The following ASAP1 variants were observed in gnomAD, a reference collection of about 807,000 sequenced individuals.
The protein encoded by ASAP1 is ArfGAP with SH3 domain, ankyrin repeat and PH domain 1, also known as arf-GAP with SH3 domain, ANK repeat and PH domain-containing protein 1.
A neutral mutation model predicts 145.2 loss-of-function variants in ASAP1; 43 were observed. That is an observed-to-expected ratio of 0.30 (90% confidence interval 0.23 to 0.38). The LOEUF is 0.38. ASAP1 is among the 10% of genes least tolerant of loss of function. ASAP1 has a pLI of 1.00. For missense variants in ASAP1, 1,018 were observed against 1,355.3 expected, an observed-to-expected ratio of 0.75 and a Z score of 3.91; for synonymous variants, 546 against 515.5, an observed-to-expected ratio of 1.06 and a Z score of -0.80.
At chr8:130,246,102 A>G (rs1380702323) in intron 3 of ASAP1, among the ~76,000 whole-genome samples, 2 of 152,118 alleles carry the variant, frequency 1.3e-5, no homozygotes, top group African/African-American at 4.8e-5. Flanking sequence ...TTGTAAAGGA[A>G]GTCTTACAAA....
intron 1 of ASAP1, among the ~76,000 whole-genome samples, chr8:130,420,669 G>A (rs867398593): frequency 2.0e-5 from 3 of 151,958 alleles, no homozygotes; most frequent in Admixed American, 6.6e-5. Flanking sequence ...CGAGGCAGAC[G>A]GATCACCTGA....
intron 1 of ASAP1, among the ~76,000 whole-genome samples, chr8:130,417,127 A>G (rs1565298587): frequency 6.6e-6 from 1 of 152,198 alleles, no homozygotes; most frequent in African/African-American, 2.4e-5. Flanking sequence ...AAACCCATGT[A>G]CAACTGCACA....
At chr8:130,198,218 G>A (rs1815636511) in intron 5 of ASAP1, among the ~76,000 whole-genome samples, 2 of 150,628 alleles carry the variant, frequency 1.3e-5, no homozygotes, top group Admixed American at 1.3e-4. Context: ...TCTGCCTCCT[G>A]GGTTCAAGCG....
intron 3 of ASAP1, among the ~76,000 whole-genome samples, chr8:130,343,661 T>C (rs1052343531): frequency 6.6e-6 from 1 of 152,144 alleles, no homozygotes; most frequent in African/African-American, 2.4e-5. Context: ...TAGGAATCTA[T>C]CAACACTAGA....
intron 3 of ASAP1, among the ~76,000 whole-genome samples, chr8:130,346,808 A>G (rs940733833): frequency 4.8e-5 from 7 of 145,280 alleles, no homozygotes; most frequent in Non-Finnish European, 1.1e-4. Flanking sequence ...CTGGGCCAGC[A>G]GTGAGTGCTT....
At position 130,129,704 on chromosome 8, in the gene ASAP1, TTA is replaced by T. The variant is rs1251074742; in HGVS notation, c.1218-1616_1218-1615del. On this transcript the variant is annotated intron_variant, in intron 15 of 29. Coordinates refer to ENST00000518721, the MANE Select transcript of ASAP1 (RefSeq NM_018482.4). ...GACAGCATAAGAATTAAAAACCAAA[TTA>T]TGTTTTTGGAGTATGTGAACTATGC... Among the ~76,000 whole-genome samples the T allele has an allele frequency of 3.9e-5, 6 of 152,178 alleles. No individual in the cohort carries two copies. The East Asian group carries it at 1.2e-3, about 29-fold the overall frequency.
At chr8:130,182,831 C>CAAAAAAAAAAAAAAAAAAAAA (rs35195899) in intron 7 of ASAP1, among the ~76,000 whole-genome samples, 1 of 73,586 alleles carries the variant, frequency 1.4e-5, no homozygotes, top group East Asian at 3.5e-4. Flanking sequence ...TATAAAAAGG[C>CAAAAAAAAAAAAAAAAAAAAA]AAAAAAAAAA....
intron 1 of ASAP1, among the ~76,000 whole-genome samples, chr8:130,428,442 C>A (rs79814615): frequency 5.1e-4 from 2 of 3,926 alleles, no homozygotes; most frequent in South Asian, 6.6e-3. Flanking sequence ...ATCACCACCA[C>A]CACCATCATT....
chr8:130,302,297 T>C (rs1822724715), intron 3 of ASAP1, among the ~76,000 whole-genome samples: 3 of 152,122 alleles, frequency 2.0e-5, no homozygotes, highest in African/African-American at 7.2e-5. Context: ...AAAGAATAAA[T>C]ATTTTAGAAG....
chr8:130,118,282 A>C (rs764769780), intron 19 of ASAP1, 36 bp from the exon 20 acceptor site: 1 of 1,596,498 alleles, frequency 6.3e-7, no homozygotes, highest in African/African-American at 1.3e-5. Flanking sequence ...TAAGTCAATA[A>C]TATGCTCTGC....
At chr8:130,385,529 G>C (rs1329838241) in intron 2 of ASAP1, among the ~76,000 whole-genome samples, 1 of 152,252 alleles carries the variant, frequency 6.6e-6, no homozygotes, top group East Asian at 1.9e-4. Context: ...GTGCCCAAGA[G>C]AGTCTCAGCT....
At chr8:130,056,118 A>G (rs889320773) in intron 29 of ASAP1, among the ~76,000 whole-genome samples, 2 of 152,230 alleles carry the variant, frequency 1.3e-5, no homozygotes, top group African/African-American at 4.8e-5. Context: ...ATATTAACAG[A>G]TTACAAAGTG....
chr8:130,378,932 T>C (rs1195514207), intron 2 of ASAP1, among the ~76,000 whole-genome samples: 3 of 152,202 alleles, frequency 2.0e-5, no homozygotes, highest in Admixed American at 1.3e-4. Flanking sequence ...TATGAGATCA[T>C]TGTGGTATCA....
chr8:130,297,396 CAT>C, intron 3 of ASAP1, among the ~76,000 whole-genome samples: 1 of 152,312 alleles, frequency 6.6e-6, no homozygotes, highest in South Asian at 2.1e-4. Flanking sequence ...AGAAAATCCA[CAT>C]ATAAGTGGAC....
At chr8:130,147,570 C>CA (rs1460403378) in intron 13 of ASAP1, among the ~76,000 whole-genome samples, 1 of 152,216 alleles carries the variant, frequency 6.6e-6, no homozygotes, top group Non-Finnish European at 1.5e-5. Context: ...CCAGGCTCTG[C>CA]AAAGCTTTAA....
At chr8:130,162,396 G>A (rs2097671054) in intron 11 of ASAP1, among the ~76,000 whole-genome samples, 1 of 152,282 alleles carries the variant, frequency 6.6e-6, no homozygotes, top group Admixed American at 6.5e-5. Context: ...TGAGGCATGA[G>A]ACAAAGCAAG....
At chr8:130,377,477 C>A (rs1236620678) in intron 2 of ASAP1, among the ~76,000 whole-genome samples, 2 of 152,226 alleles carry the variant, frequency 1.3e-5, no homozygotes, top group Non-Finnish European at 2.9e-5. Context: ...ATTCATTTGA[C>A]ACGCACTGAC....
intron 1 of ASAP1, among the ~76,000 whole-genome samples, chr8:130,420,867 T>A (rs983538567): frequency 2.0e-5 from 3 of 148,006 alleles, no homozygotes; most frequent in Admixed American, 6.8e-5. Flanking sequence ...CACTCCAGCC[T>A]GGGCAAAAAG....
chr8:130,362,654 G>T (rs548281773), intron 2 of ASAP1, among the ~76,000 whole-genome samples: 1 of 152,300 alleles, frequency 6.6e-6, no homozygotes, highest in South Asian at 2.1e-4. Context: ...AGCGGGGAAG[G>T]CTGCACAGTA....
Sources: gnomAD v4.1 joint callset for allele counts (sites outside exome capture counted in the v4.1 genomes callset) on GRCh38, gnomAD v4.1.1 for gene constraint, MANE v1.5 for transcripts, NCBI Gene and HGNC (gene_info 2026-07-23, HGNC 2026-07-21) for gene names.